Variants in DESI2 observed in about 807,000 individuals in gnomAD.
DESI2 encodes desumoylating isopeptidase 2.
DESI2 carries 10 observed loss-of-function variants against 24.1 expected under a neutral mutation model. The ratio of observed to expected loss-of-function variants is 0.41; its 90% CI spans 0.26 to 0.70. DESI2 has a LOEUF of 0.70. DESI2 is among the 30% of genes least tolerant of loss of function. The probability of loss-of-function intolerance (pLI) is 0.29; values close to 1 mark genes in which losing one functional copy is unlikely to be tolerated. For missense variants in DESI2, 122 were observed against 234.9 expected, an observed-to-expected ratio of 0.52 and a Z score of 3.14; for synonymous variants, 71 against 87.7, an observed-to-expected ratio of 0.81 and a Z score of 1.06.
chr1:244,692,367 A>AT (rs926763124), intron 4 of DESI2, among the ~76,000 whole-genome samples: 5 of 151,488 alleles, frequency 3.3e-5, no homozygotes, highest in South Asian at 4.2e-4. Flanking sequence ...CTTTGGCTGA[A>AT]TTTTTTTTTC....
chr1:244,669,507 C>T (rs567428543), intron 1 of DESI2, among the ~76,000 whole-genome samples: 3 of 151,842 alleles, frequency 2.0e-5, no homozygotes, highest in Non-Finnish European at 4.4e-5. Flanking sequence ...GGAGAAACCC[C>T]ATCACTACTA....
In DESI2 at chr1:244,669,539, G is replaced by A. The variant is rs1171112286; in HGVS notation, c.42+16184G>A. 4.6e-5 allele frequency among the ~76,000 whole-genome samples: 7 copies of A among 152,108 alleles called. 1 individual carries two copies. Among genetic ancestry groups the A allele is most frequent in the South Asian group, 4.2e-4 (2 of 4,810 alleles). On this transcript the variant is annotated intron_variant, in intron 1 of 4. Coordinates refer to ENST00000302550, the MANE Select transcript of DESI2 (RefSeq NM_016076.5). ...ACTAAAAATACAAAATTAGCTGGGC[G>A]TGGTGGCATATGCCTGTAATCCTAG...
intron 4 of DESI2, among the ~76,000 whole-genome samples, chr1:244,704,926 G>A (rs1431447741): frequency 6.6e-6 from 1 of 152,080 alleles, no homozygotes; most frequent in African/African-American, 2.4e-5. Flanking sequence ...CCAAAGTGCT[G>A]GTATTACAGG....
At chr1:244,694,636 G>A (rs1370907485) in intron 4 of DESI2, 1 of 840,980 alleles carries the variant, frequency 1.2e-6, no homozygotes, top group East Asian at 2.4e-5. Context: ...GTCAACTTCT[G>A]AAGGTGGTAG....
chr1:244,660,059 TA>T (rs1420883521), intron 1 of DESI2, among the ~76,000 whole-genome samples: 7 of 152,230 alleles, frequency 4.6e-5, no homozygotes, highest in African/African-American at 1.4e-4. Flanking sequence ...TAATGGTGGA[TA>T]AAGTTAACAA....
At chr1:244,694,418 TC>T (rs944833002) in intron 4 of DESI2, 1 of 715,350 alleles carries the variant, frequency 1.4e-6, no homozygotes, top group African/African-American at 1.7e-5. Flanking sequence ...GCATTACTCA[TC>T]GTTGAAATTC....
At chr1:244,668,565 C>A (rs1017149241) in intron 1 of DESI2, among the ~76,000 whole-genome samples, 2 of 152,164 alleles carry the variant, frequency 1.3e-5, no homozygotes, top group African/African-American at 2.4e-5. Flanking sequence ...TATTCTTATA[C>A]TTATCCAGAT....
In DESI2 at chr1:244,681,836, A is replaced by G. The variant is rs115848921; in HGVS notation, c.43-4761A>G. ...AACTAGGTTCATTTGTTTTTGTTTG[A>G]CTTCGGTTTTGAGGTGTACTTCTGT... On this transcript the variant is annotated intron_variant, in intron 1 of 4. Coordinates refer to ENST00000302550, the MANE Select transcript of DESI2 (RefSeq NM_016076.5). Among the ~76,000 whole-genome samples, 908 of 152,172 alleles carry G rather than the reference A, an allele frequency of 6.0e-3. 5 individuals are homozygous for G. The highest frequency in any genetic ancestry group is 0.01 in the Middle Eastern group (3 of 294).
intron 2 of DESI2, among the ~76,000 whole-genome samples, chr1:244,688,372 A>C (rs1249713983): frequency 1.3e-5 from 2 of 152,188 alleles, no homozygotes; most frequent in Non-Finnish European, 2.9e-5. Context: ...TTCTCAAACT[A>C]CATCATTGCT....
chr1:244,686,496 G>C (rs1676829101), intron 1 of DESI2, 101 bp from the exon 2 acceptor site: 1 of 747,666 alleles, frequency 1.3e-6, no homozygotes, highest in African/African-American at 1.7e-5. Flanking sequence ...CGTTATCATG[G>C]GAGTTTCAGA....
chr1:244,684,131 T>C (rs1676731786), intron 1 of DESI2, among the ~76,000 whole-genome samples: 1 of 152,210 alleles, frequency 6.6e-6, no homozygotes, highest in Non-Finnish European at 1.5e-5. Context: ...AATACTGCAG[T>C]TAATAGTCTT....
intron 2 of DESI2, among the ~76,000 whole-genome samples, chr1:244,687,052 G>A (rs546779749): frequency 2.6e-5 from 4 of 152,270 alleles, no homozygotes; most frequent in Admixed American, 6.5e-5. Context: ...ATTTTGGTCG[G>A]AAAGGTTGGT....
intron 1 of DESI2, among the ~76,000 whole-genome samples, chr1:244,672,353 C>T (rs1442895921): frequency 6.6e-6 from 1 of 152,102 alleles, no homozygotes; most frequent in Non-Finnish European, 1.5e-5. Context: ...CTGCTGCTCT[C>T]GCCATGTGAC....
intron 1 of DESI2, among the ~76,000 whole-genome samples, chr1:244,679,202 C>A (rs1676514926): frequency 2.0e-5 from 3 of 152,080 alleles, no homozygotes; most frequent in Admixed American, 6.5e-5. Flanking sequence ...ACCACCACTT[C>A]CAGCTAACTT....
At chr1:244,703,401 G>T (rs1184570537) in intron 4 of DESI2, among the ~76,000 whole-genome samples, 1 of 152,016 alleles carries the variant, frequency 6.6e-6, no homozygotes, top group African/African-American at 2.4e-5. Context: ...TGTCATCCAG[G>T]CTGTAGTGCA....
At chr1:244,653,390 C>G in intron 1 of DESI2, 35 bp downstream of exon 1, 1 of 1,538,666 alleles carries the variant, frequency 6.5e-7, no homozygotes, top group Non-Finnish European at 8.7e-7. Flanking sequence ...GAGCCCTGGC[C>G]CAGGCCGGCT....
intron 1 of DESI2, among the ~76,000 whole-genome samples, chr1:244,665,685 A>G (rs1676016317): frequency 1.3e-5 from 2 of 152,254 alleles, no homozygotes; most frequent in Admixed American, 1.3e-4. Flanking sequence ...GGCTTCATCC[A>G]GTCAGTTGAA....
At chr1:244,658,695 A>T (rs950430399) in intron 1 of DESI2, among the ~76,000 whole-genome samples, 2 of 152,214 alleles carry the variant, frequency 1.3e-5, no homozygotes, top group South Asian at 4.1e-4. Context: ...AGATCATGTG[A>T]TCTTCCTCTT....
intron 1 of DESI2, among the ~76,000 whole-genome samples, chr1:244,654,356 T>G (rs1394807575): frequency 6.6e-6 from 1 of 152,236 alleles, no homozygotes; most frequent in Non-Finnish European, 1.5e-5. Context: ...GGCTTAAAGA[T>G]GCAGGAGAGC....
Sources: gnomAD v4.1 joint callset for allele counts (sites outside exome capture counted in the v4.1 genomes callset) on GRCh38, gnomAD v4.1.1 for gene constraint, MANE v1.5 for transcripts, NCBI Gene and HGNC (gene_info 2026-07-23, HGNC 2026-07-21) for gene names.